The following FBXW11 variants were observed in gnomAD, a reference collection of about 807,000 sequenced individuals.
FBXW11 encodes the protein F-box/WD repeat-containing protein 11.
FBXW11 carries 19 observed loss-of-function variants against 77.6 expected under a neutral mutation model. That is an observed-to-expected ratio of 0.24 (90% CI 0.17 to 0.36). FBXW11 has a LOEUF of 0.36. FBXW11 is among the 10% of genes least tolerant of loss of function. The pLI is 1.00. For synonymous variants in FBXW11, 235 were observed against 249.4 expected (o/e 0.94, Z 0.54); for missense variants, 334 against 704.2 (o/e 0.47, Z 5.95).
chr5:171,965,916 T>G (rs1213632094), intron 1 of FBXW11, among the ~76,000 whole-genome samples: 1 of 152,166 alleles, frequency 6.6e-6, no homozygotes, highest in Non-Finnish European at 1.5e-5. Context: ...TCCCCCTTGC[T>G]GTTCTCGCGA....
At chr5:171,901,574 T>C (rs1241782064) in intron 4 of FBXW11, among the ~76,000 whole-genome samples, 1 of 152,214 alleles carries the variant, frequency 6.6e-6, no homozygotes, top group Non-Finnish European at 1.5e-5. Context: ...AAGACTACAC[T>C]GGGACCACTG....
chr5:171,907,276 T>C (rs529848131), intron 4 of FBXW11, among the ~76,000 whole-genome samples: 1 of 152,346 alleles, frequency 6.6e-6, no homozygotes, highest in African/African-American at 2.4e-5. Context: ...ATAATTATAA[T>C]TTTTACAGAA....
At chr5:171,895,382 C>A (rs1759674415) in intron 6 of FBXW11, among the ~76,000 whole-genome samples, 2 of 152,028 alleles carry the variant, frequency 1.3e-5, no homozygotes, top group South Asian at 4.1e-4. Flanking sequence ...GGTGGGTGGG[C>A]AAGTTTTGAC....
intron 2 of FBXW11, among the ~76,000 whole-genome samples, chr5:171,943,348 G>A (rs557065326): frequency 6.6e-6 from 1 of 152,310 alleles, no homozygotes; most frequent in African/African-American, 2.4e-5. Flanking sequence ...TGAATGATCT[G>A]AATTTTGAAA....
intron 10 of FBXW11, among the ~76,000 whole-genome samples, chr5:171,872,342 G>A (rs1757804774): frequency 6.6e-6 from 1 of 152,170 alleles, no homozygotes; most frequent in Admixed American, 6.5e-5. Context: ...TGAGACAGTG[G>A]GGAAATGGCA....
chr5:171,934,956 T>C (rs1038537661), intron 2 of FBXW11, among the ~76,000 whole-genome samples: 2 of 152,004 alleles, frequency 1.3e-5, no homozygotes, highest in African/African-American at 4.8e-5. Context: ...GTTTTTTTTG[T>C]TTGTTTTTTG....
chr5:171,896,920 A>G (rs1759779501), intron 6 of FBXW11, among the ~76,000 whole-genome samples: 1 of 152,186 alleles, frequency 6.6e-6, no homozygotes, highest in Admixed American at 6.5e-5. Flanking sequence ...AACTCTCTAC[A>G]TAAAACTCTA....
rs912350263 is a variant in FBXW11 at position 171,865,862 on chromosome 5, G to A, written c.*26-1761C>T. Among the ~76,000 whole-genome samples, 6 of 152,224 alleles carry A rather than the reference G, an allele frequency of 3.9e-5. No individual in the cohort carries two copies. In the East Asian group the frequency reaches 7.7e-4, roughly 20 times the overall value. On this transcript the variant is annotated intron_variant, in intron 13 of 13. Transcript: ENST00000517395. Reference sequence around the variant, plus strand: ...GAGAGACTCTCACCTGATATTTTACGGGTGAGTATTTTACTGCAAGGTTAA... The same window carrying A: ...GAGAGACTCTCACCTGATATTTTACAGGTGAGTATTTTACTGCAAGGTTAA...
chr5:171,895,204 T>C (rs1327748970), intron 6 of FBXW11, among the ~76,000 whole-genome samples: 5 of 152,246 alleles, frequency 3.3e-5, no homozygotes, highest in African/African-American at 1.2e-4. Context: ...GAATATTTCA[T>C]GTTTTTGAGA....
At chr5:171,907,084 T>C (rs1581181676) in intron 4 of FBXW11, among the ~76,000 whole-genome samples, 1 of 152,228 alleles carries the variant, frequency 6.6e-6, no homozygotes, top group African/African-American at 2.4e-5. Flanking sequence ...CAACAGTTCT[T>C]ACAAACCGCA....
intron 13 of FBXW11, among the ~76,000 whole-genome samples, chr5:171,867,363 T>C (rs750730024): frequency 3.9e-5 from 6 of 152,178 alleles, no homozygotes; most frequent in Admixed American, 1.3e-4. Flanking sequence ...GCAATTTAAA[T>C]TTCATTTAAT....
At chr5:171,967,212 A>T (rs1764237294) in intron 1 of FBXW11, among the ~76,000 whole-genome samples, 1 of 152,238 alleles carries the variant, frequency 6.6e-6, no homozygotes, top group African/African-American at 2.4e-5. Flanking sequence ...TTGACTCAGC[A>T]ATTTCACATG....
chr5:171,944,751 A>T (rs1762924799), intron 2 of FBXW11, among the ~76,000 whole-genome samples: 1 of 152,186 alleles, frequency 6.6e-6, no homozygotes. Context: ...ATACAGTCTG[A>T]TTTGAAGACT....
At chr5:171,965,900 T>C (rs1474247378) in intron 1 of FBXW11, among the ~76,000 whole-genome samples, 1 of 151,964 alleles carries the variant, frequency 6.6e-6, no homozygotes, top group African/African-American at 2.4e-5. Flanking sequence ...CTCATGGGGG[T>C]AGACGTCCCC....
intron 4 of FBXW11, among the ~76,000 whole-genome samples, chr5:171,900,924 T>A (rs1760075029): frequency 6.6e-6 from 1 of 152,180 alleles, no homozygotes; most frequent in South Asian, 2.1e-4. Context: ...TGGCCACCAC[T>A]GTTGCCACCT....
At position 171,940,867 on chromosome 5, in the gene FBXW11, C is replaced by CA. The variant is rs1209357046; in HGVS notation, c.147+16729dup. On this transcript the variant is annotated intron_variant, in intron 2 of 13. Transcript: ENST00000517395. ...GCACCACTGCACTCCAGCCTGGCGACAGAGCAAGACTCCGTCTCAAAAAAA... is the reference window on the plus strand; with the variant it reads ...GCACCACTGCACTCCAGCCTGGCGACAAGAGCAAGACTCCGTCTCAAAAAAA... 1.5e-4 allele frequency among the ~76,000 whole-genome samples: 20 copies of CA among 130,520 alleles called. No homozygotes were observed. In the South Asian group the frequency reaches 5.6e-3, roughly 36 times the overall value. The allele number at this position is 130,520 out of a possible 152,430, so 85.6% of individuals were successfully genotyped here.
intron 2 of FBXW11, among the ~76,000 whole-genome samples, chr5:171,924,771 C>A (rs1239831616): frequency 7.2e-6 from 1 of 138,144 alleles, no homozygotes; most frequent in Non-Finnish European, 1.6e-5. Context: ...TCCCACCCCC[C>A]CACCCCCGCT....
At chr5:172,003,614 A>G (rs543341951) in intron 1 of FBXW11, among the ~76,000 whole-genome samples, 3 of 152,310 alleles carry the variant, frequency 2.0e-5, no homozygotes, top group African/African-American at 7.2e-5. Flanking sequence ...AAGAGCTTAT[A>G]GACTTTACTA....
chr5:171,875,250 TAAAAAAAAA>T (rs55689036), intron 9 of FBXW11, among the ~76,000 whole-genome samples: 1 of 148,106 alleles, frequency 6.8e-6, no homozygotes, highest in African/African-American at 2.6e-5. Context: ...TCTGTACTTT[TAAAAAAAAA>T]AAAAAAAAAA....
Sources: gnomAD v4.1 joint callset for allele counts (sites outside exome capture counted in the v4.1 genomes callset) on GRCh38, gnomAD v4.1.1 for gene constraint, MANE v1.5 for transcripts, NCBI Gene and HGNC (gene_info 2026-07-23, HGNC 2026-07-21) for gene names.